ESF1: variants seen among roughly 807,000 people sequenced by gnomAD.
The protein encoded by ESF1 is ESF1 nucleolar pre-rRNA processing protein.
ESF1 carries 58 observed loss-of-function variants against 92.0 expected under a neutral mutation model. That is an observed-to-expected ratio of 0.63 (90% CI 0.51 to 0.78). The LOEUF is 0.78. Among genes scored for constraint, ESF1 ranks in the 30% least tolerant of loss-of-function variants. The pLI is 0.00. For synonymous variants in ESF1, 321 were observed against 313.7 expected (o/e 1.02, Z -0.24); for missense variants, 922 against 989.1 (o/e 0.93, Z 0.91).
intron 8 of ESF1, among the ~76,000 whole-genome samples, chr20:13,765,910 G>A (rs1252999506): frequency 6.6e-6 from 1 of 152,086 alleles, no homozygotes; most frequent in Non-Finnish European, 1.5e-5. Flanking sequence ...TTAAAACAGA[G>A]ACTATGAGTA....
chr20:13,739,328 T>C (rs887779519), intron 9 of ESF1, among the ~76,000 whole-genome samples: 18 of 152,262 alleles, frequency 1.2e-4, no homozygotes, highest in African/African-American at 4.3e-4. Flanking sequence ...CTTACAATCA[T>C]ATTTAGTTTA....
At chr20:13,777,410 A>T (rs1439057772) in intron 2 of ESF1, among the ~76,000 whole-genome samples, 1 of 152,126 alleles carries the variant, frequency 6.6e-6, no homozygotes, top group Non-Finnish European at 1.5e-5. Context: ...GAGGGAAATC[A>T]TGAGTTCAGT....
chr20:13,720,872 G>A (rs2049863539), intron 11 of ESF1, among the ~76,000 whole-genome samples: 1 of 152,220 alleles, frequency 6.6e-6, no homozygotes, highest in Non-Finnish European at 1.5e-5. Context: ...TGTAATCCCA[G>A]CACTTCGGGA....
At chr20:13,732,189 G>GA (rs2049947764) in intron 10 of ESF1, among the ~76,000 whole-genome samples, 1 of 152,138 alleles carries the variant, frequency 6.6e-6, no homozygotes. Flanking sequence ...CAATCTATGG[G>GA]ATCTGACACT....
chr20:13,782,124 C>T lies in ESF1; in HGVS notation c.637+380G>A, dbSNP rs1251273092. On this transcript the variant is annotated intron_variant, in intron 2 of 13. Coordinates refer to ENST00000617257, the MANE Select transcript of ESF1 (RefSeq NM_001276380.2). ...AACTCCTGACCTCAAGTGATCTGCC[C>T]GCCTTGGCCTGCCAAAGTGCTGGGA... is the stretch of plus-strand genomic sequence containing the variant. Among the ~76,000 whole-genome samples the T allele has an allele frequency of 2.0e-5, 3 of 152,100 alleles. No individual in the cohort carries two copies. In the East Asian group the frequency reaches 5.8e-4, roughly 29 times the overall value.
At position 13,770,067 on chromosome 20, in the gene ESF1, T is replaced by C. The variant is rs367952713; in HGVS notation, c.1404-46A>G. The C allele has an allele frequency of 4.1e-4, 444 of 1,078,606 alleles. 1 individual carries two copies. The highest frequency in any genetic ancestry group is 3.9e-3 in the Middle Eastern group (14 of 3,582). 66.8% of individuals were successfully genotyped at this position (1,078,606 alleles called of 1,614,324 possible). ...ATTTATTTAAAATACGCTGCAGTGA[T>C]AACCACAGTTTAGATTCTCATCTAA... On this transcript the variant is annotated intron_variant, in intron 6 of 13. Coordinates refer to ENST00000617257, the MANE Select transcript of ESF1 (RefSeq NM_001276380.2).
intron 3 of ESF1, 83 bp downstream of exon 3, chr20:13,775,790 A>C: frequency 6.8e-7 from 1 of 1,466,434 alleles, no homozygotes; most frequent in Non-Finnish European, 9.1e-7. Context: ...AGCTTTTCCC[A>C]CTTAATGACA....
intron 11 of ESF1, 88 bp from the exon 12 acceptor site, chr20:13,719,072 T>C: frequency 1.2e-6 from 1 of 810,568 alleles, no homozygotes; most frequent in Non-Finnish European, 1.8e-6. Context: ...ATATAAGATA[T>C]CTAGGAATAA....
At chr20:13,736,465 C>T (rs1317653298) in intron 9 of ESF1, among the ~76,000 whole-genome samples, 1 of 152,204 alleles carries the variant, frequency 6.6e-6, no homozygotes, top group Non-Finnish European at 1.5e-5. Flanking sequence ...TAAGTTTCAT[C>T]TGAGCAGTCC....
chr20:13,743,937 G>C (rs2050031608), intron 9 of ESF1, among the ~76,000 whole-genome samples: 1 of 152,098 alleles, frequency 6.6e-6, no homozygotes, highest in Non-Finnish European at 1.5e-5. Context: ...ATATACAATG[G>C]AAAGTAAATG....
At chr20:13,748,762 T>C (rs1220168125) in intron 9 of ESF1, among the ~76,000 whole-genome samples, 1 of 151,246 alleles carries the variant, frequency 6.6e-6, no homozygotes, top group Non-Finnish European at 1.5e-5. Context: ...ATTTTTTTTG[T>C]ATTTTTTAGT....
rs111355039 is a variant in ESF1, at chr20:13,779,228, C to A, written c.638-2958G>T. 8.6e-3 allele frequency among the ~76,000 whole-genome samples: 1,299 copies of A among 151,544 alleles called. 25 individuals carry two copies. Among genetic ancestry groups the A allele is most frequent in the African/African-American group, 0.017 (693 of 41,326 alleles). On this transcript the variant is annotated intron_variant, in intron 2 of 13. Transcript: ENST00000617257. ...ACTTCAAACAAAAAACAAAAAAAAA[C>A]CAAAAAAACTGCTTTACCATTTTCC...
intron 13 of ESF1, among the ~76,000 whole-genome samples, chr20:13,716,836 T>TTTTG (rs1350114095): frequency 9.2e-6 from 1 of 108,758 alleles, no homozygotes; most frequent in Non-Finnish European, 1.9e-5. Flanking sequence ...TTTTTTTTTT[T>TTTTG]AGACAGAGTC....
At chr20:13,727,805 C>G (rs2049911788) in intron 11 of ESF1, among the ~76,000 whole-genome samples, 1 of 152,086 alleles carries the variant, frequency 6.6e-6, no homozygotes, top group African/African-American at 2.4e-5. Flanking sequence ...GGAAAGCTGG[C>G]TTTCTAGCTA....
At position 13,782,663 on chromosome 20, in the gene ESF1, C is replaced by A. The variant is rs753506337; in HGVS notation, c.478G>T (p.Glu160Ter). ...SNISPKKDSK[E>*]FTQKNKKEKK... is the part of the protein sequence containing the mutation. ...TCTTTCTTATTTTTTTGTGTAAATT[C>A]TTTGCTATCCTTCTTCGGACTTATG... The change falls in exon 2 of 14, where the codon GAA becomes TAA. Residue 160 changes from glutamate (E) to a stop codon, truncating the protein, a stop_gained. Transcript: ENST00000617257. LOFTEE classifies it high-confidence loss of function. 2 of 1,602,358 alleles carry A rather than the reference C, an allele frequency of 1.2e-6. No individual in the cohort carries two copies. The highest frequency in any genetic ancestry group is 1.7e-6 in the Non-Finnish European group (2 of 1,176,534).
rs373675586 is a variant in ESF1 at position 13,769,907 on chromosome 20, C to T, written c.1518G>A (p.Thr506=). 9 of 1,588,126 alleles carry T rather than the reference C, an allele frequency of 5.7e-6. No homozygotes were observed. Among genetic ancestry groups the T allele is most frequent in the African/African-American group, 1.3e-5 (1 of 74,256 alleles). The change falls in exon 7 of 14, where the codon ACG becomes ACA. Residue 506 remains threonine (T), a splice_region_variant and synonymous_variant. Coordinates refer to ENST00000617257, the MANE Select transcript of ESF1 (RefSeq NM_001276380.2). ...YFTSAAMGTS[T]VEITWDETDH... is the part of the protein sequence containing the mutation. The stretch of plus-strand genomic sequence containing the variant: ...CATATTTTTTAAAGTAAAGAAATAC[C>T]GTTGATGTTCCCATTGCAGCAGAAG...
rs1450568979 is a variant in ESF1, at chr20:13,776,031, C to A, written c.877G>T (p.Asp293Tyr). 6.2e-7 allele frequency: 1 copy of A among 1,613,974 alleles called. No individual in the cohort carries two copies. Among genetic ancestry groups the A allele is most frequent in the East Asian group, 2.2e-5 (1 of 44,866 alleles). ...TCAGGGCCACTGTCACTTTTATCAT[C>A]ATCCTCACTATCCTCATCTTCATCC... The part of the protein sequence containing the change: ...EEDEDEDSED[D>Y]DKSDSGPDLA... The change falls in exon 3 of 14, where the codon GAT (aspartate) becomes TAT (tyrosine). Residue 293 changes from aspartate (D) to tyrosine (Y), a missense_variant. Transcript: ENST00000617257.
chr20:13,762,977 C>G (rs1407552232), intron 8 of ESF1: 1 of 249,248 alleles, frequency 4.0e-6, no homozygotes, highest in African/African-American at 2.4e-5. Context: ...TCTCCTGCCT[C>G]AGCCTCCAGA....
chr20:13,720,887 G>A (rs759031140), intron 11 of ESF1, among the ~76,000 whole-genome samples: 55 of 152,328 alleles, frequency 3.6e-4, no homozygotes, highest in South Asian at 2.9e-3. Context: ...TCGGGAGGCC[G>A]AGGTGGGTGG....
Sources: allele counts gnomAD v4.1 joint callset (sites outside exome capture counted in the v4.1 genomes callset), GRCh38; gene constraint gnomAD v4.1.1; transcripts MANE v1.5; gene names NCBI Gene and HGNC (gene_info 2026-07-23, HGNC 2026-07-21).